MECOM: variants seen among roughly 807,000 people sequenced by gnomAD.
MECOM encodes the protein MDS1 and EVI1 complex locus.
In MECOM, 13 loss-of-function variants were observed where a neutral mutation model predicts 116.3. The observed-to-expected ratio is 0.11, with a 90% CI of 0.07 to 0.18. MECOM has a LOEUF of 0.18. MECOM is among the 10% of genes least tolerant of loss of function. MECOM has a pLI of 1.00. For synonymous variants in MECOM, 528 were observed against 535.2 expected (o/e 0.99, Z 0.19); for missense variants, 1,299 against 1,509.0 (o/e 0.86, Z 2.31).
intron 1 of MECOM, among the ~76,000 whole-genome samples, chr3:169,634,987 G>A (rs191792867): frequency 6.6e-4 from 100 of 152,062 alleles, no homozygotes; most frequent in African/African-American, 2.2e-3. Flanking sequence ...GAAATGCTAG[G>A]CCAGGATGGG....
chr3:169,578,361 AGTTTCACACC>A (rs1764751166), intron 1 of MECOM, among the ~76,000 whole-genome samples: 1 of 152,120 alleles, frequency 6.6e-6, no homozygotes, highest in South Asian at 2.1e-4. Flanking sequence ...TTTTTTTTAG[AGTTTCACACC>A]TTTCCAAACC....
intron 1 of MECOM, among the ~76,000 whole-genome samples, chr3:169,661,936 C>T (rs1476009275): frequency 1.3e-5 from 2 of 152,234 alleles, no homozygotes; most frequent in Non-Finnish European, 2.9e-5. Context: ...GGCCTGTCCA[C>T]TCCCGAGGCA....
chr3:169,605,568 A>G (rs553580141), intron 1 of MECOM, among the ~76,000 whole-genome samples: 1 of 152,352 alleles, frequency 6.6e-6, no homozygotes, highest in Non-Finnish European at 1.5e-5. Context: ...GCTAGACGAC[A>G]AGACTAAGCA....
chr3:169,091,076 C>T (rs71306620), intron 14 of MECOM, among the ~76,000 whole-genome samples: 22,522 of 151,980 alleles, frequency 0.15, 2,194 homozygotes, highest in Non-Finnish European at 0.2. Context: ...TAAAAACAAT[C>T]GCTTAACCTC....
chr3:169,488,373 A>C (rs1012305139), intron 1 of MECOM, among the ~76,000 whole-genome samples: 4 of 76,256 alleles, frequency 5.2e-5, no homozygotes, highest in Middle Eastern at 5.4e-3. Context: ...CTAAAAATAC[A>C]AAAAAAAAAA....
intron 2 of MECOM, among the ~76,000 whole-genome samples, chr3:169,149,935 CTGTGTG>C (rs58944452): frequency 0.11 from 14,352 of 131,066 alleles, 1,019 homozygotes; most frequent in African/African-American, 0.2. Flanking sequence ...TTCTCTCTCT[CTGTGTG>C]TGTGTGTGTG....
At chr3:169,320,495 C>T (rs1342651928) in intron 2 of MECOM, among the ~76,000 whole-genome samples, 1 of 152,184 alleles carries the variant, frequency 6.6e-6, no homozygotes, top group African/African-American at 2.4e-5. Flanking sequence ...TAAAGACTAA[C>T]CCTTTCCCAG....
rs80009623 is a variant in MECOM at position 169,287,921 on chromosome 3, A to G, written c.375+93266T>C. On this transcript the variant is annotated intron_variant, in intron 2 of 16. Coordinates refer to ENST00000651503, the MANE Select transcript of MECOM (RefSeq NM_004991.4). ...CCCAGGGCATGATTCTGACTAAATC[A>G]ATAAACCACTCTAAGTCTGATAAAA... Among the ~76,000 whole-genome samples, 48 of 152,322 alleles carry G rather than the reference A, an allele frequency of 3.2e-4. No homozygotes were observed. In the East Asian group the frequency reaches 7.5e-3, roughly 24 times the overall value.
At chr3:169,088,969 C>A in intron 16 of MECOM, 31 bp downstream of exon 16, 1 of 1,459,044 alleles carries the variant, frequency 6.9e-7, no homozygotes. Context: ...CATAATGTAA[C>A]CATGATGCTG....
chr3:169,257,009 G>A (rs953221313), intron 2 of MECOM, among the ~76,000 whole-genome samples: 3 of 152,224 alleles, frequency 2.0e-5, no homozygotes, highest in African/African-American at 4.8e-5. Context: ...CAGGAAGACA[G>A]ACAGCACAAA....
At chr3:169,148,119 T>G (rs1271956131) in intron 2 of MECOM, among the ~76,000 whole-genome samples, 1 of 152,198 alleles carries the variant, frequency 6.6e-6, no homozygotes, top group Non-Finnish European at 1.5e-5. Context: ...ACCATATTTT[T>G]CTTTAAAGAT....
At chr3:169,089,607 T>A (rs904953998) in intron 15 of MECOM, among the ~76,000 whole-genome samples, 14 of 152,150 alleles carry the variant, frequency 9.2e-5, no homozygotes, top group African/African-American at 2.9e-4. Flanking sequence ...AGATCACATA[T>A]ATATCTACTG....
At chr3:169,507,807 A>C (rs55971335) in intron 1 of MECOM, among the ~76,000 whole-genome samples, 24,123 of 147,540 alleles carry the variant, frequency 0.16, 2,107 homozygotes, top group East Asian at 0.31. Context: ...GACCACAGGC[A>C]CCGCCACCAC....
chr3:169,575,283 G>A (rs1395776044), intron 1 of MECOM, among the ~76,000 whole-genome samples: 1 of 152,118 alleles, frequency 6.6e-6, no homozygotes, highest in Non-Finnish European at 1.5e-5. Context: ...TTTAAAAGGA[G>A]CAACTAAAAG....
intron 2 of MECOM, among the ~76,000 whole-genome samples, chr3:169,149,212 C>T (rs1740718808): frequency 6.6e-6 from 1 of 151,676 alleles, no homozygotes; most frequent in African/African-American, 2.4e-5. Flanking sequence ...ATCTGGGGAA[C>T]CGATTGCTTC....
intron 2 of MECOM, among the ~76,000 whole-genome samples, chr3:169,245,146 C>A (rs369302888): frequency 5.9e-5 from 9 of 152,082 alleles, no homozygotes; most frequent in African/African-American, 2.2e-4. Context: ...GAAGATTTAG[C>A]CCTACCCAAA....
At chr3:169,588,333 C>A (rs1766003107) in intron 1 of MECOM, among the ~76,000 whole-genome samples, 1 of 151,986 alleles carries the variant, frequency 6.6e-6, no homozygotes, top group Non-Finnish European at 1.5e-5. Context: ...TTTTATTTTG[C>A]CATAGAGATT....
intron 1 of MECOM, among the ~76,000 whole-genome samples, chr3:169,631,550 T>G (rs1247353237): frequency 6.6e-6 from 1 of 151,506 alleles, no homozygotes; most frequent in Non-Finnish European, 1.5e-5. Flanking sequence ...CATGCTGGTG[T>G]GCTGCACCCA....
intron 2 of MECOM, among the ~76,000 whole-genome samples, chr3:169,313,651 T>C (rs1719205650): frequency 6.6e-6 from 1 of 152,214 alleles, no homozygotes; most frequent in Admixed American, 6.5e-5. Context: ...TATTTTCATC[T>C]TAGTCTAGCT....
Sources: gnomAD v4.1 joint callset for allele counts (sites outside exome capture counted in the v4.1 genomes callset) on GRCh38, gnomAD v4.1.1 for gene constraint, MANE v1.5 for transcripts, NCBI Gene and HGNC (gene_info 2026-07-23, HGNC 2026-07-21) for gene names.